The following DAPK1 variants were observed in gnomAD, a reference collection of about 807,000 sequenced individuals.
DAPK1 encodes death-associated protein kinase 1.
DAPK1 carries 56 observed loss-of-function variants against 144.9 expected under a neutral mutation model. The observed-to-expected ratio is 0.39, with a 90% CI of 0.31 to 0.48. The LOEUF (loss-of-function observed/expected upper bound fraction) is 0.48. DAPK1 is among the 20% of genes least tolerant of loss of function. The probability of loss-of-function intolerance (pLI) is 0.95; values close to 1 mark genes in which losing one functional copy is unlikely to be tolerated. For missense variants in DAPK1, 1,454 were observed against 1,875.4 expected, an observed-to-expected ratio of 0.78 and a Z score of 4.15; for synonymous variants, 690 against 749.0, an observed-to-expected ratio of 0.92 and a Z score of 1.29.
At chr9:87,638,318 A>G (rs1481735831) in intron 4 of DAPK1, among the ~76,000 whole-genome samples, 1 of 152,180 alleles carries the variant, frequency 6.6e-6, no homozygotes, top group Non-Finnish European at 1.5e-5. Context: ...AATTCTTGGT[A>G]AAGAATACAA....
chr9:87,606,942 G>C (rs1828752794), intron 3 of DAPK1, among the ~76,000 whole-genome samples: 1 of 151,192 alleles, frequency 6.6e-6, no homozygotes, highest in Admixed American at 6.6e-5. Context: ...AGCATCTCTG[G>C]CTTCTACCTA....
At chr9:87,646,934 A>G (rs1186080396) in intron 13 of DAPK1, among the ~76,000 whole-genome samples, 3 of 152,122 alleles carry the variant, frequency 2.0e-5, no homozygotes, top group Admixed American at 6.5e-5. Context: ...CTGTAAGTGG[A>G]GTAGATCTGG....
chr9:87,546,273 C>T (rs765407649), intron 2 of DAPK1, among the ~76,000 whole-genome samples: 6 of 152,108 alleles, frequency 3.9e-5, no homozygotes, highest in Admixed American at 6.5e-5. Context: ...CAGCAGGGTC[C>T]GTCAGGAGGC....
intron 2 of DAPK1, among the ~76,000 whole-genome samples, chr9:87,590,906 T>G (rs773122017): frequency 2.0e-5 from 3 of 152,230 alleles, no homozygotes; most frequent in Non-Finnish European, 4.4e-5. Flanking sequence ...GCCATTCTGT[T>G]GTATTCATAC....
intron 21 of DAPK1, among the ~76,000 whole-genome samples, chr9:87,695,958 C>A (rs1825244209): frequency 6.6e-6 from 1 of 152,158 alleles, no homozygotes; most frequent in African/African-American, 2.4e-5. Flanking sequence ...CCGGCTCCTT[C>A]CTTGTCAGGA....
chr9:87,706,074 C>T lies in DAPK1; in HGVS notation c.3061-58C>T. 1 of 1,337,324 alleles carries T rather than the reference C, an allele frequency of 7.5e-7. No individual in the cohort carries two copies. Among genetic ancestry groups the T allele is most frequent in the Non-Finnish European group, 1.0e-6 (1 of 956,046 alleles). The allele number at this position is 1,337,324 out of a possible 1,614,324, so 82.8% of individuals were successfully genotyped here. ...TCAGGCCCTTTAGTGCTCTAAGTGG[C>T]TGGTGCACCTGGCCAGGGCTCTGTC... On this transcript the variant is annotated intron_variant, in intron 25 of 25. Coordinates refer to ENST00000408954, the MANE Select transcript of DAPK1 (RefSeq NM_004938.4). The surrounding 1 kb of genome is among the most constrained non-coding windows in gnomAD (Gnocchi z 9.0).
intron 17 of DAPK1, among the ~76,000 whole-genome samples, chr9:87,655,746 G>A (rs958662629): frequency 1.3e-5 from 2 of 152,168 alleles, no homozygotes; most frequent in African/African-American, 4.8e-5. Flanking sequence ...TAGAAAGCAC[G>A]GAAAGGAAAG....
chr9:87,570,166 C>T (rs1827277347), intron 2 of DAPK1, among the ~76,000 whole-genome samples: 1 of 152,056 alleles, frequency 6.6e-6, no homozygotes. Flanking sequence ...AAAAAGAAGG[C>T]ACAAACACTG....
intron 2 of DAPK1, among the ~76,000 whole-genome samples, chr9:87,576,172 ACG>A (rs1429004447): frequency 6.6e-6 from 1 of 152,164 alleles, no homozygotes; most frequent in Non-Finnish European, 1.5e-5. Context: ...ACGTGCACAC[ACG>A]CATGCACACA....
At chr9:87,628,262 GTATA>G (rs1829551342) in intron 3 of DAPK1, among the ~76,000 whole-genome samples, 1 of 152,200 alleles carries the variant, frequency 6.6e-6, no homozygotes, top group South Asian at 2.1e-4. Flanking sequence ...GACAGAACTT[GTATA>G]TTCAGATACA....
rs77595240 is a variant in DAPK1, at chr9:87,705,209, A to G, written c.3061-923A>G. On this transcript the variant is annotated intron_variant, in intron 25 of 25. Transcript: ENST00000408954. ...AGTACCATGAACTCTCATATAGGCT[A>G]CATTTATTTATTTTTTTAATTAATT... 3.8e-3 allele frequency among the ~76,000 whole-genome samples: 578 copies of G among 150,580 alleles called. 3 individuals carry two copies. The highest frequency in any genetic ancestry group is 0.013 in the African/African-American group (532 of 41,088).
At chr9:87,677,187 C>T (rs1296324280) in intron 19 of DAPK1, among the ~76,000 whole-genome samples, 1 of 152,184 alleles carries the variant, frequency 6.6e-6, no homozygotes, top group Non-Finnish European at 1.5e-5. Context: ...ATTGTGCTGG[C>T]CCATGAAACA....
intron 19 of DAPK1, among the ~76,000 whole-genome samples, chr9:87,675,790 C>G (rs1020164396): frequency 2.7e-5 from 4 of 148,468 alleles, no homozygotes; most frequent in Non-Finnish European, 5.9e-5. Context: ...GGCTCCTACT[C>G]CTGTGTAAAT....
chr9:87,530,919 A>AGC (rs869069360), intron 2 of DAPK1, among the ~76,000 whole-genome samples: 1 of 115,126 alleles, frequency 8.7e-6, no homozygotes, highest in Non-Finnish European at 1.9e-5. Flanking sequence ...TTCTTCAAAG[A>AGC]TTTTAAGTAA....
At chr9:87,554,913 G>A (rs751272702) in intron 2 of DAPK1, among the ~76,000 whole-genome samples, 47 of 152,178 alleles carry the variant, frequency 3.1e-4, no homozygotes, top group Non-Finnish European at 3.7e-4. Context: ...CAAGTTCTCT[G>A]CCACAATCTA....
At chr9:87,659,656 C>T (rs934042498) in intron 18 of DAPK1, among the ~76,000 whole-genome samples, 1 of 152,136 alleles carries the variant, frequency 6.6e-6, no homozygotes, top group South Asian at 2.1e-4. Flanking sequence ...ATCAGTGGTC[C>T]CCGCCTGGCT....
At chr9:87,556,196 C>T (rs1468693848) in intron 2 of DAPK1, among the ~76,000 whole-genome samples, 1 of 152,178 alleles carries the variant, frequency 6.6e-6, no homozygotes, top group Non-Finnish European at 1.5e-5. Context: ...CAGCCCAGCA[C>T]CTGTGTGGGC....
chr9:87,538,829 A>G (rs544967532), intron 2 of DAPK1, among the ~76,000 whole-genome samples: 1 of 152,220 alleles, frequency 6.6e-6, no homozygotes, highest in South Asian at 2.1e-4. Context: ...ATTGGCTTTT[A>G]AAAAATTTAT....
At chr9:87,575,731 G>C (rs1178248050) in intron 2 of DAPK1, among the ~76,000 whole-genome samples, 1 of 152,138 alleles carries the variant, frequency 6.6e-6, no homozygotes, top group East Asian at 1.9e-4. Flanking sequence ...TCTCCCTCCC[G>C]ACTTTTTTTT....
Sources: gnomAD v4.1 joint callset for allele counts (sites outside exome capture counted in the v4.1 genomes callset) on GRCh38, gnomAD v4.1.1 for gene constraint, Gnocchi (gnomAD v3.1) non-coding constraint, MANE v1.5 for transcripts, NCBI Gene and HGNC (gene_info 2026-07-23, HGNC 2026-07-21) for gene names.